The following TJP2 variants were observed in gnomAD, a reference collection of about 807,000 sequenced individuals.
TJP2 encodes tight junction protein 2.
TJP2 carries 91 observed loss-of-function variants against 133.1 expected under a neutral mutation model. The observed-to-expected ratio is 0.68, with a 90% CI of 0.58 to 0.81. The LOEUF is 0.81. Ranked by LOEUF, TJP2 falls within the 40% of genes least tolerant of loss-of-function variation. The pLI is 0.00. For missense variants in TJP2, 1,541 were observed against 1,565.6 expected (o/e 0.98, Z 0.26); for synonymous variants, 592 against 583.4 (o/e 1.01, Z -0.21).
Position 69,221,212 on chromosome 9 carries a change from G to C in TJP2, c.668G>C (p.Arg223Pro). 3.1e-6 allele frequency: 5 copies of C among 1,603,658 alleles called. No homozygotes were observed. The highest frequency in any genetic ancestry group is 4.3e-6 in the Non-Finnish European group (5 of 1,175,344). ...RDRSRGRSLE[R>P]GLDHDFGPSR... ...CGCAGCCGTGGCCGGAGCCTGGAGC[G>C]GGGCCTGGACCACGACTTTGGGCCA... is the stretch of plus-strand genomic sequence containing the variant. Residue 223 changes from arginine (R) to proline (P), a missense_variant, in exon 5 of 23, where the codon CGG becomes CCG. Physicochemically the swap from Arg to Pro is moderately radical, Grantham distance 103. Coordinates refer to ENST00000377245, the MANE Select transcript of TJP2 (RefSeq NM_004817.4).
At position 69,231,045 on chromosome 9, in the gene TJP2, G is replaced by A. The variant is rs867852054; in HGVS notation, c.1671+813G>A. Among the ~76,000 whole-genome samples the A allele has an allele frequency of 4.6e-5, 7 of 151,840 alleles. No homozygotes were observed. The South Asian group carries it at 1.2e-3, about 27-fold the overall frequency. ...GTGTGTAGCATTCTTTGTTGACTTC[G>A]GAATAAATTTCAAGAACATCAAGTA... On this transcript the variant is annotated intron_variant, in intron 11 of 22. Transcript: ENST00000377245.
intron 2 of TJP2, 90 bp from the exon 3 acceptor site, chr9:69,216,249 G>C: frequency 1.3e-6 from 2 of 1,508,826 alleles, no homozygotes; most frequent in Non-Finnish European, 1.8e-6. Flanking sequence ...TCTGGTTATT[G>C]ATTTGACCTT....
At chr9:69,199,049 G>A (rs1415513474) in intron 1 of TJP2, among the ~76,000 whole-genome samples, 1 of 152,200 alleles carries the variant, frequency 6.6e-6, no homozygotes, top group Non-Finnish European at 1.5e-5. Context: ...GTTTTGTCCA[G>A]TAAGCAGAAT....
At chr9:69,147,375 T>G (rs1823258147) in intron 1 of TJP2, among the ~76,000 whole-genome samples, 1 of 152,088 alleles carries the variant, frequency 6.6e-6, no homozygotes, top group African/African-American at 2.4e-5. Context: ...CGCAACTGAT[T>G]AGGGATGTTT....
At chr9:69,196,987 G>C (rs1331231787) in intron 1 of TJP2, among the ~76,000 whole-genome samples, 1 of 98,818 alleles carries the variant, frequency 1.0e-5, no homozygotes, top group Non-Finnish European at 2.3e-5. Flanking sequence ...ATGTTTTCTG[G>C]AGGCAGAGTC....
chr9:69,223,315 TG>T lies in TJP2; in HGVS notation c.952+1820del, dbSNP rs1216180617. Reference sequence around the variant, plus strand: ...TGTTTTGTTTTGTTTTGTTTTGTTTTGTTTTGTTTTGAGACGGAGTCTCGCT... The same window carrying T: ...TGTTTTGTTTTGTTTTGTTTTGTTTTTTTTGTTTTGAGACGGAGTCTCGCT... On this transcript the variant is annotated intron_variant, in intron 5 of 22. Coordinates refer to ENST00000377245, the MANE Select transcript of TJP2 (RefSeq NM_004817.4). Among the ~76,000 whole-genome samples the T allele has an allele frequency of 7.7e-3, 1,170 of 152,170 alleles. 9 individuals are homozygous for T. The highest frequency in any genetic ancestry group is 0.027 in the African/African-American group (1,109 of 41,528).
intron 16 of TJP2, among the ~76,000 whole-genome samples, chr9:69,239,447 T>C (rs1318928154): frequency 6.6e-6 from 1 of 152,226 alleles, no homozygotes; most frequent in African/African-American, 2.4e-5. Context: ...TGTTAATTCA[T>C]TTTATCAGAA....
chr9:69,143,680 T>C (rs1422980378), intron 1 of TJP2, among the ~76,000 whole-genome samples: 1 of 152,226 alleles, frequency 6.6e-6, no homozygotes, highest in Admixed American at 6.5e-5. Context: ...TTATATTAAT[T>C]GCATAATCAG....
intron 5 of TJP2, among the ~76,000 whole-genome samples, chr9:69,222,340 C>G (rs1370347411): frequency 6.6e-6 from 1 of 150,720 alleles, no homozygotes; most frequent in Non-Finnish European, 1.5e-5. Context: ...CCACGCCCGG[C>G]TAATTTTTGT....
chr9:69,134,423 T>C (rs1431373807), intron 1 of TJP2, among the ~76,000 whole-genome samples: 1 of 152,176 alleles, frequency 6.6e-6, no homozygotes, highest in Non-Finnish European at 1.5e-5. Context: ...AGTTGGAATG[T>C]TGATACCCTG....
Position 69,226,221 on chromosome 9 carries a change from T to G in TJP2, c.1210+46T>G, listed in dbSNP as rs536562551. The stretch of plus-strand genomic sequence containing the variant: ...GAGCTTAGCTGGAAGTAAGGAAGGC[T>G]GTTGCTTCCCCATTCTTCTATTTAG... On this transcript the variant is annotated intron_variant, in intron 7 of 22. Transcript: ENST00000377245. 1.9e-6 allele frequency: 3 copies of G among 1,596,596 alleles called. No homozygotes were observed. In the African/African-American group the frequency reaches 4.0e-5, roughly 21 times the overall value.
intron 1 of TJP2, among the ~76,000 whole-genome samples, chr9:69,128,936 T>C (rs1822370677): frequency 6.6e-6 from 1 of 152,156 alleles, no homozygotes; most frequent in South Asian, 2.1e-4. Context: ...TGGTTTAGAT[T>C]AGAAGCATAC....
chr9:69,174,268 C>T (rs1470869607), upstream of TJP2: 12 of 1,529,890 alleles, frequency 7.8e-6, no homozygotes, highest in African/African-American at 1.4e-5. Flanking sequence ...GGCGGTTGGG[C>T]TGCGGGTCAG....
At chr9:69,227,898 G>A in intron 8 of TJP2, 25 bp downstream of exon 8, 5 of 1,609,484 alleles carry the variant, frequency 3.1e-6, no homozygotes, top group East Asian at 2.2e-5. Flanking sequence ...ATATTCTCTT[G>A]TACATGTCAT....
intron 2 of TJP2, among the ~76,000 whole-genome samples, chr9:69,154,561 G>C: frequency 6.6e-6 from 1 of 151,494 alleles, no homozygotes; most frequent in Non-Finnish European, 1.5e-5. Context: ...AGGCTGAGGC[G>C]GGAGGATCGC....
intron 2 of TJP2, among the ~76,000 whole-genome samples, chr9:69,163,653 A>AT (rs1824204745): frequency 7.1e-6 from 1 of 139,994 alleles, no homozygotes; most frequent in African/African-American, 2.6e-5. Flanking sequence ...AAAAAAAAAA[A>AT]ATTGAGATGG....
chr9:69,202,658 A>G (rs993416441), intron 1 of TJP2, among the ~76,000 whole-genome samples: 1 of 152,220 alleles, frequency 6.6e-6, no homozygotes, highest in African/African-American at 2.4e-5. Context: ...ACTAAGTGGA[A>G]GTGGATAGTC....
chr9:69,137,196 C>A (rs1289193474), intron 1 of TJP2, among the ~76,000 whole-genome samples: 1 of 118,248 alleles, frequency 8.5e-6, no homozygotes, highest in Non-Finnish European at 1.8e-5. Context: ...ACTCTTCAAC[C>A]AATGATCATG....
At chr9:69,156,508 A>G (rs1240473558) in intron 2 of TJP2, among the ~76,000 whole-genome samples, 2 of 150,918 alleles carry the variant, frequency 1.3e-5, no homozygotes, top group Non-Finnish European at 2.9e-5. Context: ...TAATACATCA[A>G]TCAATACATG....
Sources: allele counts gnomAD v4.1 joint callset (sites outside exome capture counted in the v4.1 genomes callset), GRCh38; gene constraint gnomAD v4.1.1; transcripts MANE v1.5; gene names NCBI Gene and HGNC (gene_info 2026-07-23, HGNC 2026-07-21).